The following NOMO3 variants were observed in gnomAD, a reference collection of about 807,000 sequenced individuals.
NOMO3 encodes BOS complex subunit NOMO3.
In NOMO3, 15 loss-of-function variants were observed where a neutral mutation model predicts 69.9. The observed-to-expected ratio is 0.21, with a 90% CI of 0.14 to 0.33. NOMO3 has a LOEUF of 0.33. Among genes scored for constraint, NOMO3 ranks in the 10% least tolerant of loss-of-function variants. The pLI is 1.00. For synonymous variants in NOMO3, 89 were observed against 301.9 expected, an observed-to-expected ratio of 0.29 and a Z score of 7.31; for missense variants, 218 against 761.0, an observed-to-expected ratio of 0.29 and a Z score of 8.39.
At chr16:16,236,187 G>A (rs569113101) in intron 1 of NOMO3, among the ~76,000 whole-genome samples, 5 of 146,038 alleles carry the variant, frequency 3.4e-5, no homozygotes, top group Non-Finnish European at 5.9e-5. Context: ...GGCCCTCATT[G>A]CAGACCTTTA....
At chr16:16,254,792 A>C (rs1201900231) in intron 9 of NOMO3, among the ~76,000 whole-genome samples, 1 of 144,914 alleles carries the variant, frequency 6.9e-6, no homozygotes, top group Non-Finnish European at 1.5e-5. Flanking sequence ...CAGGGCTGGA[A>C]CTCAGTAACT....
chr16:16,274,259 T>TTGGATGGA (rs879029300), intron 20 of NOMO3, among the ~76,000 whole-genome samples, 184 bp downstream of exon 20: 1,623 of 117,312 alleles, frequency 0.014, 58 homozygotes, highest in East Asian at 0.068. Flanking sequence ...GATGGTTGGG[T>TTGGATGGA]TGGATGGATG....
chr16:16,270,266 G>A, intron 17 of NOMO3, 82 bp downstream of exon 17: 2 of 1,583,086 alleles, frequency 1.3e-6, no homozygotes, highest in Non-Finnish European at 1.7e-6. Context: ...AACAAAAGGA[G>A]TTTTTCTGTT....
chr16:16,238,797 G>C (rs1276837261), intron 2 of NOMO3, among the ~76,000 whole-genome samples: 1 of 134,792 alleles, frequency 7.4e-6, no homozygotes, highest in Non-Finnish European at 1.5e-5. Flanking sequence ...AAACCAGGAG[G>C]CTGGACGTGG....
At chr16:16,259,328 G>T (rs1268886146) in intron 11 of NOMO3, among the ~76,000 whole-genome samples, 9 of 143,764 alleles carry the variant, frequency 6.3e-5, no homozygotes, top group African/African-American at 2.3e-4. Context: ...TTAGCACACT[G>T]ATACTTCTTA....
Position 16,265,676 on chromosome 16 carries a change from T to A in NOMO3, c.1806+497T>A, listed in dbSNP as rs1200458135. ...TATATATATATATATATATATTTTT[T>A]TTTTTTTTTTTTTTTTTTTTTTGAG... On this transcript the variant is annotated intron_variant, in intron 15 of 30. Transcript: ENST00000399336. Among the ~76,000 whole-genome samples, 169 of 28,216 alleles carry A rather than the reference T, an allele frequency of 6.0e-3. 1 individual carries two copies. The highest frequency in any genetic ancestry group is 0.014 in the South Asian group (7 of 498). The allele number at this position is 28,216 out of a possible 152,430, so 18.5% of individuals were successfully genotyped here.
intron 1 of NOMO3, among the ~76,000 whole-genome samples, chr16:16,234,711 A>T (rs1163052883): frequency 6.7e-6 from 1 of 150,058 alleles, no homozygotes; most frequent in Non-Finnish European, 1.5e-5. Flanking sequence ...CCCGGCACAT[A>T]CTGAAGCCTT....
chr16:16,237,773 C>T (rs1188173927), intron 2 of NOMO3, among the ~76,000 whole-genome samples: 1 of 144,378 alleles, frequency 6.9e-6, no homozygotes, highest in East Asian at 2.2e-4. Context: ...TGGTCTCGAA[C>T]TCCTGACCTC....
At position 16,236,977 on chromosome 16, in the gene NOMO3, C is replaced by T; in HGVS notation, c.242C>T (p.Pro81Leu). Residue 81 changes from proline (P) to leucine (L), a missense_variant, in exon 2 of 31, where the codon CCT becomes CTT. By Grantham distance (98) the Pro-to-Leu change is moderately conservative (BLOSUM62 -3). Transcript: ENST00000399336. The stretch of plus-strand genomic sequence containing the variant: ...CCTAATAATGGTTACTTTATGATCC[C>T]TTTGTATGATAAGGTAAGAGGGGAC... ...CAPNNGYFMI[P>L]LYDKGDFILK... 6.4e-7 allele frequency: 1 copy of T among 1,566,778 alleles called. No individual in the cohort carries two copies. The highest frequency in any genetic ancestry group is 1.1e-5 in the South Asian group (1 of 87,922).
chr16:16,248,061 T>C (rs1596803063), intron 6 of NOMO3, among the ~76,000 whole-genome samples: 3 of 104,040 alleles, frequency 2.9e-5, no homozygotes, highest in Admixed American at 2.8e-4. Flanking sequence ...ATACTTGTGA[T>C]AATCATTTAT....
At position 16,257,749 on chromosome 16, in the gene NOMO3, T is replaced by C. The variant is rs1255038669; in HGVS notation, c.1220+1591T>C. 4.9e-5 allele frequency among the ~76,000 whole-genome samples: 7 copies of C among 143,426 alleles called. 1 individual carries two copies. The highest frequency in any genetic ancestry group is 5.9e-5 in the Non-Finnish European group (4 of 67,620). The allele number at this position is 143,426 out of a possible 152,430, so 94.1% of individuals were successfully genotyped here. On this transcript the variant is annotated intron_variant, in intron 11 of 30. Coordinates refer to ENST00000399336, the MANE Select transcript of NOMO3 (RefSeq NM_001004067.4). ...GGGAGCTGGGCCCTGGTGAACACAG[T>C]CCCCTGGCTTGATCACTGAGGAGGC...
In NOMO3 at chr16:16,262,731, G is replaced by A. The variant is rs1352678194; in HGVS notation, c.1396-343G>A. On this transcript the variant is annotated intron_variant, in intron 12 of 30. Transcript: ENST00000399336. ...TAGTGTTGACAGGTTCAGAGCTTAT[G>A]CTACAAGTGATCCGAAGCCGGGAAA... Among the ~76,000 whole-genome samples the A allele has an allele frequency of 1.4e-5, 2 of 139,270 alleles. 1 individual carries two copies. Among genetic ancestry groups the A allele is most frequent in the African/African-American group, 6.2e-5 (2 of 32,394 alleles). 91.4% of individuals were successfully genotyped at this position (139,270 alleles called of 152,430 possible). A position where few individuals can be genotyped will look rare whatever the true frequency, so the allele number is the denominator to read the frequency against.
At chr16:16,237,107 T>A in intron 2 of NOMO3, 117 bp downstream of exon 2, 1 of 1,344,668 alleles carries the variant, frequency 7.4e-7, no homozygotes. Flanking sequence ...AAATTATTAG[T>A]GGAATATGAT....
chr16:16,270,201 A>G lies in NOMO3; in HGVS notation c.1958+17A>G. The G allele has an allele frequency of 1.3e-6, 2 of 1,554,592 alleles. No homozygotes were observed. The highest frequency in any genetic ancestry group is 1.7e-6 in the Non-Finnish European group (2 of 1,158,802). On this transcript the variant is annotated intron_variant, in intron 17 of 30. Transcript: ENST00000399336. ...CTATGACACGTAAGCCTGGGAATTG[A>G]ATGCTTTGTGGTGTTTGTATACATT...
intron 3 of NOMO3, 102 bp from the exon 4 acceptor site, chr16:16,243,059 C>G: frequency 9.0e-7 from 1 of 1,112,166 alleles, no homozygotes; most frequent in Non-Finnish European, 1.2e-6. Context: ...TAAAATGAAA[C>G]CTGAATAATA....
intron 6 of NOMO3, among the ~76,000 whole-genome samples, chr16:16,249,328 C>T (rs1405442856): frequency 4.8e-5 from 7 of 144,972 alleles, no homozygotes. Context: ...TGCTGTAATT[C>T]CAGCATTTTG....
chr16:16,243,824 G>A lies in NOMO3; in HGVS notation c.402+563G>A, dbSNP rs1415969313. Among the ~76,000 whole-genome samples the A allele has an allele frequency of 4.2e-5, 6 of 142,210 alleles. 1 individual carries two copies. The highest frequency in any genetic ancestry group is 7.4e-5 in the Non-Finnish European group (5 of 67,178). The allele number at this position is 142,210 out of a possible 152,430, so 93.3% of individuals were successfully genotyped here. On this transcript the variant is annotated intron_variant, in intron 4 of 30. Coordinates refer to ENST00000399336, the MANE Select transcript of NOMO3 (RefSeq NM_001004067.4). ...ACAGGTGTACGCTGTGCACCCAGCC[G>A]CTGTTAGCGTTTATGTCAGGGATGG...
chr16:16,240,471 A>G lies in NOMO3; in HGVS notation c.301+575A>G, dbSNP rs2049366377. On this transcript the variant is annotated intron_variant, in intron 3 of 30. Coordinates refer to ENST00000399336, the MANE Select transcript of NOMO3 (RefSeq NM_001004067.4). ...GGGTACTTGGAGGATTAATAAACCAATACTGAGTGTTCAGAGGGGCTGGCA... is the reference window on the plus strand; with the variant it reads ...GGGTACTTGGAGGATTAATAAACCAGTACTGAGTGTTCAGAGGGGCTGGCA... Among the ~76,000 whole-genome samples the G allele has an allele frequency of 1.4e-5, 2 of 145,676 alleles. 1 individual carries two copies. Among genetic ancestry groups the G allele is most frequent in the Non-Finnish European group, 3.0e-5 (2 of 67,522 alleles).
rs774374296 is a variant in NOMO3 at position 16,263,064 on chromosome 16, G to C, written c.1396-10G>C. The C allele has an allele frequency of 1.3e-6, 2 of 1,595,006 alleles. No homozygotes were observed. The highest frequency in any genetic ancestry group is 1.7e-6 in the Non-Finnish European group (2 of 1,177,934). On this transcript the variant is annotated splice_polypyrimidine_tract_variant and intron_variant, in intron 12 of 30. Transcript: ENST00000399336. ...ATGCAGCCTCTAACGTTCCATCCAC[G>C]TTTCCGCAGGTGATGGTTCCTGAGG...
Sources: allele counts gnomAD v4.1 joint callset (sites outside exome capture counted in the v4.1 genomes callset), GRCh38; gene constraint gnomAD v4.1.1; transcripts MANE v1.5; gene names NCBI Gene and HGNC (gene_info 2026-07-23, HGNC 2026-07-21).